The following CDKL1 variants were observed in gnomAD, a reference collection of about 807,000 sequenced individuals.
CDKL1 encodes the protein cyclin dependent kinase like 1.
A neutral mutation model predicts 42.0 loss-of-function variants in CDKL1; 41 were observed. The ratio of observed to expected loss-of-function variants is 0.98; its 90% CI spans 0.76 to 1.27. The LOEUF (loss-of-function observed/expected upper bound fraction) is 1.27. Ranked by LOEUF, CDKL1 falls within the 50% of genes most tolerant of loss-of-function variation. CDKL1 has a pLI of 0.00. For missense variants in CDKL1, 394 were observed against 428.4 expected (o/e 0.92, Z 0.71); for synonymous variants, 153 against 158.6 (o/e 0.96, Z 0.26).
rs375971812 is a variant in CDKL1, at chr14:50,326,301, A to G, written c.*3773T>C. 36 of 498,818 alleles carry G rather than the reference A, an allele frequency of 7.2e-5. No individual in the cohort carries two copies. Among genetic ancestry groups the G allele is most frequent in the African/African-American group, 6.3e-4 (30 of 47,892 alleles). The allele number at this position is 498,818 out of a possible 1,614,324, so 30.9% of individuals were successfully genotyped here. A position where few individuals can be genotyped will look rare whatever the true frequency, so the allele number is the denominator to read the frequency against. On this transcript the variant is annotated 3_prime_UTR_variant, in exon 10 of 10. Transcript: ENST00000395834. Reference sequence around the variant, plus strand: ...ATATATTCATTTAATATGTAAATCTATAGATATCTCTTGATGTAGATATTT... The same window carrying G: ...ATATATTCATTTAATATGTAAATCTGTAGATATCTCTTGATGTAGATATTT...
intron 2 of CDKL1, among the ~76,000 whole-genome samples, chr14:50,391,791 C>A (rs2035264067): frequency 6.6e-6 from 1 of 152,184 alleles, no homozygotes; most frequent in African/African-American, 2.4e-5. Context: ...CAAGTTTTTT[C>A]TCTACTGGAT....
At chr14:50,394,692 T>C (rs2035348938) in intron 2 of CDKL1, among the ~76,000 whole-genome samples, 1 of 152,234 alleles carries the variant, frequency 6.6e-6, no homozygotes, top group African/African-American at 2.4e-5. Context: ...ATTCATTACA[T>C]GTCACCTTTC....
intron 5 of CDKL1, among the ~76,000 whole-genome samples, chr14:50,341,780 CA>C (rs11381667): frequency 0.016 from 2,083 of 129,210 alleles, 32 homozygotes; most frequent in African/African-American, 0.046. Context: ...GACCCTGTCT[CA>C]AAAAAAAAAA....
At chr14:50,383,715 T>G (rs2034992002) in intron 2 of CDKL1, among the ~76,000 whole-genome samples, 1 of 152,230 alleles carries the variant, frequency 6.6e-6, no homozygotes, top group Non-Finnish European at 1.5e-5. Context: ...TGCCTCCTCT[T>G]GCTCTGTGAC....
intron 2 of CDKL1, chr14:50,390,248 T>C (rs1442516282): frequency 1.5e-6 from 2 of 1,365,888 alleles, no homozygotes; most frequent in South Asian, 2.3e-5. Flanking sequence ...CCAATGCTGG[T>C]CTAATATATT....
chr14:50,375,361 G>C (rs1231850363), intron 2 of CDKL1, among the ~76,000 whole-genome samples: 1 of 152,240 alleles, frequency 6.6e-6, no homozygotes, highest in Non-Finnish European at 1.5e-5. Context: ...CTATATTGGA[G>C]AATTCCAAAT....
At chr14:50,342,954 T>C (rs946030983) in intron 4 of CDKL1, 20 of 1,357,892 alleles carry the variant, frequency 1.5e-5, no homozygotes, top group Non-Finnish European at 2.0e-5. Context: ...ACACAAGTGC[T>C]CTGAGAGCTG....
chr14:50,354,516 A>T (rs17122434), intron 3 of CDKL1, among the ~76,000 whole-genome samples: 2,507 of 152,278 alleles, frequency 0.016, 82 homozygotes, highest in African/African-American at 0.057. Context: ...TGAGGAGAAA[A>T]CATCCAAACC....
intron 3 of CDKL1, among the ~76,000 whole-genome samples, chr14:50,347,092 G>A (rs1350350010): frequency 6.6e-6 from 1 of 152,176 alleles, no homozygotes; most frequent in African/African-American, 2.4e-5. Flanking sequence ...CCCCAGCACA[G>A]CTAATCCCCA....
chr14:50,344,900 C>A, intron 4 of CDKL1, 86 bp downstream of exon 4: 1 of 1,157,682 alleles, frequency 8.6e-7, no homozygotes, highest in Non-Finnish European at 1.3e-6. Context: ...ATTTTACCCA[C>A]AGAAGTGTGA....
chr14:50,354,586 GT>G (rs1429740482), intron 3 of CDKL1, among the ~76,000 whole-genome samples: 1 of 152,178 alleles, frequency 6.6e-6, no homozygotes, highest in Non-Finnish European at 1.5e-5. Context: ...TAGATACAAA[GT>G]TTTTTAAATT....
chr14:50,358,636 C>CTTTTTGTTTTTTTTTTTTT (rs2034134860), intron 3 of CDKL1, among the ~76,000 whole-genome samples: 1 of 67,646 alleles, frequency 1.5e-5, no homozygotes, highest in Non-Finnish European at 2.8e-5. Flanking sequence ...TTTAACTAGT[C>CTTTTTGTTTTTTTTTTTTT]TTTTTTTTTT....
intron 2 of CDKL1, among the ~76,000 whole-genome samples, chr14:50,365,226 G>T (rs889572055): frequency 6.6e-6 from 1 of 152,118 alleles, no homozygotes; most frequent in African/African-American, 2.4e-5. Context: ...ATTATGGCCA[G>T]CTTTAAGGAG....
intron 2 of CDKL1, among the ~76,000 whole-genome samples, chr14:50,383,773 G>A (rs565722505): frequency 3.9e-5 from 6 of 152,184 alleles, no homozygotes; most frequent in African/African-American, 1.2e-4. Flanking sequence ...GTGTAGTGGC[G>A]GCAGAACACT....
intron 8 of CDKL1, chr14:50,332,830 A>C: frequency 1.7e-6 from 1 of 593,996 alleles, no homozygotes; most frequent in South Asian, 2.3e-5. Context: ...CATGATAACA[A>C]ATACAGTTAA....
At chr14:50,342,077 G>A in intron 5 of CDKL1, 55 bp downstream of exon 5, 1 of 1,336,774 alleles carries the variant, frequency 7.5e-7, no homozygotes, top group Non-Finnish European at 1.1e-6. Context: ...ATCCTTTGTT[G>A]TATCAAGAAC....
chr14:50,353,518 T>C (rs2033965238), intron 3 of CDKL1, among the ~76,000 whole-genome samples: 1 of 89,872 alleles, frequency 1.1e-5, no homozygotes, highest in Non-Finnish European at 2.5e-5. Context: ...AAAAAAAGAA[T>C]ATATTACTAA....
intron 2 of CDKL1, among the ~76,000 whole-genome samples, chr14:50,361,029 A>T (rs1430344065): frequency 6.6e-6 from 1 of 151,956 alleles, no homozygotes; most frequent in Non-Finnish European, 1.5e-5. Flanking sequence ...TGTTTTTGAG[A>T]CTCTACTTTC....
chr14:50,396,664 T>C, intron 1 of CDKL1, 160 bp downstream of exon 1: 1 of 179,592 alleles, frequency 5.6e-6, no homozygotes, highest in Non-Finnish European at 1.1e-5. Context: ...GCGGCGAGGC[T>C]TGGCCGCAGG....
Sources: gnomAD v4.1 joint callset for allele counts (sites outside exome capture counted in the v4.1 genomes callset) on GRCh38, gnomAD v4.1.1 for gene constraint, MANE v1.5 for transcripts, NCBI Gene and HGNC (gene_info 2026-07-23, HGNC 2026-07-21) for gene names.